UBAC2: variants seen among roughly 807,000 people sequenced by gnomAD.
The protein encoded by UBAC2 is UBA domain containing 2, also known as ubiquitin-associated domain-containing protein 2.
UBAC2 carries 26 observed loss-of-function variants against 44.0 expected under a neutral mutation model. The observed-to-expected ratio is 0.59, with a 90% CI of 0.43 to 0.82. UBAC2 has a LOEUF of 0.82. Ranked by LOEUF, UBAC2 falls within the 40% of genes least tolerant of loss-of-function variation. UBAC2 has a pLI of 0.00. For synonymous variants in UBAC2, 155 were observed against 154.3 expected (o/e 1.00, Z -0.04); for missense variants, 329 against 419.4 (o/e 0.78, Z 1.88).
chr13:99,290,671 G>A (rs1328255281), intron 4 of UBAC2, among the ~76,000 whole-genome samples: 2 of 149,512 alleles, frequency 1.3e-5, no homozygotes, highest in Non-Finnish European at 3.0e-5. Context: ...GTTGCAGTGA[G>A]CCAAGATTGC....
intron 6 of UBAC2, among the ~76,000 whole-genome samples, chr13:99,326,720 G>A (rs909128093): frequency 1.2e-4 from 19 of 152,060 alleles, no homozygotes; most frequent in Admixed American, 1.1e-3. Flanking sequence ...CAGGACAAAG[G>A]CCAGGTGTTC....
intron 7 of UBAC2, among the ~76,000 whole-genome samples, chr13:99,352,689 G>A (rs368183230): frequency 6.6e-6 from 1 of 152,306 alleles, no homozygotes; most frequent in East Asian, 1.9e-4. Flanking sequence ...CAGAATACAC[G>A]CAGTGCCAGG....
chr13:99,355,727 C>T (rs1002941386), intron 7 of UBAC2, among the ~76,000 whole-genome samples: 16 of 152,236 alleles, frequency 1.1e-4, no homozygotes, highest in African/African-American at 2.9e-4. Context: ...AGAGCCAGGA[C>T]GCAGGCCTGT....
intron 6 of UBAC2, among the ~76,000 whole-genome samples, chr13:99,331,260 A>G (rs756270996): frequency 6.6e-6 from 1 of 152,118 alleles, no homozygotes; most frequent in Non-Finnish European, 1.5e-5. Flanking sequence ...TGCTTTGACT[A>G]CAGTTAAGAT....
intron 4 of UBAC2, among the ~76,000 whole-genome samples, chr13:99,274,147 A>AT (rs2043852693): frequency 6.6e-6 from 1 of 151,490 alleles, no homozygotes; most frequent in Non-Finnish European, 1.5e-5. Context: ...GACTTTTAAC[A>AT]CCCTGATCTA....
chr13:99,315,861 G>T (rs2044481404), intron 5 of UBAC2, among the ~76,000 whole-genome samples: 1 of 151,896 alleles, frequency 6.6e-6, no homozygotes, highest in Non-Finnish European at 1.5e-5. Context: ...GGGGAAAGGG[G>T]GTCTTAGTTG....
chr13:99,242,678 G>A (rs1398014212), intron 2 of UBAC2, among the ~76,000 whole-genome samples: 13 of 2,894 alleles, frequency 4.5e-3, no homozygotes, highest in South Asian at 0.016. Context: ...GGCCGGGCGG[G>A]GGGCTGACCC....
intron 4 of UBAC2, among the ~76,000 whole-genome samples, chr13:99,270,655 G>C (rs1200502887): frequency 6.6e-6 from 1 of 152,236 alleles, no homozygotes; most frequent in Non-Finnish European, 1.5e-5. Flanking sequence ...ATTGATGGTT[G>C]ATGGTGTGGA....
At chr13:99,207,076 G>A (rs988151134) in intron 1 of UBAC2, among the ~76,000 whole-genome samples, 3 of 152,230 alleles carry the variant, frequency 2.0e-5, no homozygotes, top group South Asian at 2.1e-4. Flanking sequence ...GCAGGAATGA[G>A]CCTGGCACGT....
intron 4 of UBAC2, among the ~76,000 whole-genome samples, chr13:99,248,166 G>C (rs6491493): frequency 0.57 from 87,071 of 151,844 alleles, 26,789 homozygotes; most frequent in Non-Finnish European, 0.71. Context: ...CTTCCCAGCT[G>C]TCTATTTCCA....
At chr13:99,286,083 A>G (rs561286219) in intron 4 of UBAC2, among the ~76,000 whole-genome samples, 18 of 152,288 alleles carry the variant, frequency 1.2e-4, no homozygotes, top group African/African-American at 4.1e-4. Context: ...CCAGGAGTCT[A>G]TTCCTGGAGG....
chr13:99,339,084 C>T (rs902913264), intron 6 of UBAC2, among the ~76,000 whole-genome samples: 1 of 152,156 alleles, frequency 6.6e-6, no homozygotes, highest in African/African-American at 2.4e-5. Context: ...CTCTGAAATC[C>T]TTATCTCGAC....
chr13:99,263,935 T>C (rs571583164), intron 4 of UBAC2, among the ~76,000 whole-genome samples: 1 of 152,272 alleles, frequency 6.6e-6, no homozygotes, highest in Non-Finnish European at 1.5e-5. Flanking sequence ...AAAAAGCAGA[T>C]GAAATGAAAA....
At chr13:99,357,411 C>T (rs558492214) in intron 7 of UBAC2, among the ~76,000 whole-genome samples, 7 of 152,326 alleles carry the variant, frequency 4.6e-5, no homozygotes, top group East Asian at 1.9e-4. Flanking sequence ...TTTTAATGTA[C>T]GTTTGTTTTG....
At chr13:99,252,650 T>C (rs2043472560) in intron 4 of UBAC2, among the ~76,000 whole-genome samples, 1 of 152,252 alleles carries the variant, frequency 6.6e-6, no homozygotes, top group African/African-American at 2.4e-5. Context: ...TATTTTTTGT[T>C]AGTATTTATA....
chr13:99,243,233 C>CTTTTTTTTTTTTTTTTTTTTTTTT (rs773750160), intron 2 of UBAC2, among the ~76,000 whole-genome samples: 1 of 94,256 alleles, frequency 1.1e-5, no homozygotes. Flanking sequence ...TTGAGTAGCT[C>CTTTTTTTTTTTTTTTTTTTTTTTT]TTTTTTTTTT....
At chr13:99,335,141 GA>G (rs1426460299) in intron 6 of UBAC2, among the ~76,000 whole-genome samples, 2 of 152,196 alleles carry the variant, frequency 1.3e-5, no homozygotes, top group African/African-American at 4.8e-5. Flanking sequence ...TGGGAGCAAT[GA>G]ACAAATCAAC....
chr13:99,211,179 C>A (rs2042933547), intron 1 of UBAC2, among the ~76,000 whole-genome samples: 1 of 152,194 alleles, frequency 6.6e-6, no homozygotes, highest in African/African-American at 2.4e-5. Context: ...GTATTCACAG[C>A]AGCCCTATGA....
At chr13:99,209,215 C>T (rs997343992) in intron 1 of UBAC2, among the ~76,000 whole-genome samples, 2 of 152,186 alleles carry the variant, frequency 1.3e-5, no homozygotes, top group African/African-American at 4.8e-5. Flanking sequence ...CCTACCTCAG[C>T]TTGGTATGAA....
Sources: allele counts gnomAD v4.1 joint callset (sites outside exome capture counted in the v4.1 genomes callset), GRCh38; gene constraint gnomAD v4.1.1; transcripts MANE v1.5; gene names NCBI Gene and HGNC (gene_info 2026-07-23, HGNC 2026-07-21).